Variants in CMSS1 observed in about 807,000 individuals in gnomAD.
The protein encoded by CMSS1 is cms1 ribosomal small subunit homolog, also known as protein CMSS1.
CMSS1 carries 33 observed loss-of-function variants against 43.5 expected under a neutral mutation model. That is an observed-to-expected ratio of 0.76 (90% CI 0.57 to 1.01). The LOEUF (loss-of-function observed/expected upper bound fraction) is 1.01, where lower values mean the gene tolerates loss of function less well. CMSS1 is among the 50% of genes least tolerant of loss of function. The pLI is 0.00. For synonymous variants in CMSS1, 115 were observed against 117.2 expected, an observed-to-expected ratio of 0.98 and a Z score of 0.12; for missense variants, 313 against 326.4, an observed-to-expected ratio of 0.96 and a Z score of 0.32.
intron 1 of CMSS1, among the ~76,000 whole-genome samples, chr3:100,069,005 C>A (rs565934549): frequency 6.6e-6 from 1 of 152,296 alleles, no homozygotes; most frequent in South Asian, 2.1e-4. Context: ...GCTCCACAAA[C>A]CCAGATAGAA....
chr3:99,911,053 T>G (rs1171850831), intron 1 of CMSS1, among the ~76,000 whole-genome samples: 2 of 152,168 alleles, frequency 1.3e-5, no homozygotes, highest in Non-Finnish European at 2.9e-5. Context: ...TTCATTCACA[T>G]GTTGCTGTAA....
chr3:100,093,228 A>G (rs534285028), intron 1 of CMSS1, among the ~76,000 whole-genome samples: 166 of 152,244 alleles, frequency 1.1e-3, no homozygotes, highest in South Asian at 1.0e-3. Flanking sequence ...TGAGCAGCTT[A>G]TGTCATTAGA....
At chr3:100,148,601 GTGACTCAGTCACCTTCT>G (rs2066874859) in intron 2 of CMSS1, among the ~76,000 whole-genome samples, 1 of 152,088 alleles carries the variant, frequency 6.6e-6, no homozygotes, top group Non-Finnish European at 1.5e-5. Context: ...AAATTTCCCT[GTGACTCAGTCACCTTCT>G]TGGTAAATGA....
At chr3:99,958,686 A>G (rs1708408822) in intron 1 of CMSS1, among the ~76,000 whole-genome samples, 1 of 152,176 alleles carries the variant, frequency 6.6e-6, no homozygotes, top group South Asian at 2.1e-4. Context: ...CAGAGCAGGC[A>G]GTGTGAGGCA....
At chr3:100,063,739 G>A (rs1022704298) in intron 1 of CMSS1, among the ~76,000 whole-genome samples, 2 of 151,940 alleles carry the variant, frequency 1.3e-5, no homozygotes, top group African/African-American at 4.8e-5. Flanking sequence ...AAGAAAAAAA[G>A]TCAACCTGAA....
intron 1 of CMSS1, among the ~76,000 whole-genome samples, chr3:100,060,959 AC>A (rs1415788268): frequency 6.6e-6 from 1 of 152,176 alleles, no homozygotes; most frequent in East Asian, 1.9e-4. Context: ...AAGTTGCAGA[AC>A]CACATCCTCA....
chr3:100,004,532 G>A (rs1399388533), intron 1 of CMSS1, among the ~76,000 whole-genome samples: 1 of 152,140 alleles, frequency 6.6e-6, no homozygotes, highest in Admixed American at 6.5e-5. Flanking sequence ...TTTAGTTGCA[G>A]GTGACGTTTG....
intron 1 of CMSS1, among the ~76,000 whole-genome samples, chr3:99,921,937 C>T (rs2107651427): frequency 6.6e-6 from 1 of 152,286 alleles, no homozygotes; most frequent in Admixed American, 6.5e-5. Flanking sequence ...ATAATCTTTG[C>T]CATCTGCCTC....
At position 99,909,508 on chromosome 3, in the gene CMSS1, A is replaced by G. The variant is rs34518627; in HGVS notation, c.64+91465A>G. Among the ~76,000 whole-genome samples, 1,243 of 152,256 alleles carry G rather than the reference A, an allele frequency of 8.2e-3. 20 individuals are homozygous for G. Among genetic ancestry groups the G allele is most frequent in the Admixed American group, 0.021 (321 of 15,290 alleles). ...CAAATTTGTGAATAATGAAAAGTCAAATTTTCCTGCAGACATAATCATTCA... is the reference window on the plus strand; with the variant it reads ...CAAATTTGTGAATAATGAAAAGTCAGATTTTCCTGCAGACATAATCATTCA... On this transcript the variant is annotated intron_variant, in intron 1 of 9. Coordinates refer to ENST00000421999, the MANE Select transcript of CMSS1 (RefSeq NM_032359.4).
At chr3:99,989,155 A>G (rs1176454891) in intron 1 of CMSS1, among the ~76,000 whole-genome samples, 1 of 152,238 alleles carries the variant, frequency 6.6e-6, no homozygotes, top group Non-Finnish European at 1.5e-5. Flanking sequence ...ACTGTATGAC[A>G]TGGGTATTAT....
intron 1 of CMSS1, among the ~76,000 whole-genome samples, chr3:99,953,370 T>G (rs1708233110): frequency 6.6e-6 from 1 of 152,092 alleles, no homozygotes; most frequent in South Asian, 2.1e-4. Flanking sequence ...GACTGAGAAA[T>G]CAGATAACCA....
chr3:100,101,597 G>A (rs534382624), intron 1 of CMSS1, among the ~76,000 whole-genome samples: 7 of 152,150 alleles, frequency 4.6e-5, no homozygotes, highest in Middle Eastern at 3.4e-3. Flanking sequence ...AACACAGGAG[G>A]GGTTGGGATG....
chr3:100,141,311 C>T (rs1165920291), intron 1 of CMSS1, among the ~76,000 whole-genome samples: 1 of 152,202 alleles, frequency 6.6e-6, no homozygotes, highest in Non-Finnish European at 1.5e-5. Flanking sequence ...ACATAAAAAT[C>T]CCATTAAATT....
At chr3:100,085,206 A>G (rs1004254807) in intron 1 of CMSS1, among the ~76,000 whole-genome samples, 1 of 152,250 alleles carries the variant, frequency 6.6e-6, no homozygotes, top group African/African-American at 2.4e-5. Flanking sequence ...ATTATACCGT[A>G]CAACCAACCT....
chr3:100,104,732 GCTTTCATCAAGAAAAA>G (rs1280821924), intron 1 of CMSS1, among the ~76,000 whole-genome samples: 8 of 152,234 alleles, frequency 5.3e-5, no homozygotes, highest in African/African-American at 1.7e-4. Flanking sequence ...CAGCTTGTTA[GCTTTCATCAAGAAAAA>G]CTTTCATCAA....
At chr3:100,149,441 G>A (rs2107516331) in intron 2 of CMSS1, among the ~76,000 whole-genome samples, 1 of 152,242 alleles carries the variant, frequency 6.6e-6, no homozygotes, top group Non-Finnish European at 1.5e-5. Context: ...TTGGTCACAT[G>A]CCATTGCTAT....
At chr3:99,953,718 A>G (rs1708243097) in intron 1 of CMSS1, among the ~76,000 whole-genome samples, 1 of 152,252 alleles carries the variant, frequency 6.6e-6, no homozygotes, top group African/African-American at 2.4e-5. Context: ...CTTTTCATAG[A>G]TAATGAAACC....
At chr3:100,095,089 G>A (rs1040195318) in intron 1 of CMSS1, among the ~76,000 whole-genome samples, 4 of 152,112 alleles carry the variant, frequency 2.6e-5, no homozygotes, top group Non-Finnish European at 4.4e-5. Context: ...CTTTTTCATT[G>A]ATCTATGTGA....
chr3:100,145,173 G>C (rs2066837944), intron 1 of CMSS1, among the ~76,000 whole-genome samples: 1 of 152,098 alleles, frequency 6.6e-6, no homozygotes, highest in African/African-American at 2.4e-5. Flanking sequence ...GGGTATGGTG[G>C]CTCATGCCTG....
Sources: gnomAD v4.1 joint callset for allele counts (sites outside exome capture counted in the v4.1 genomes callset) on GRCh38, gnomAD v4.1.1 for gene constraint, MANE v1.5 for transcripts, NCBI Gene and HGNC (gene_info 2026-07-23, HGNC 2026-07-21) for gene names.